Variants in PHACTR4 observed in about 807,000 individuals in gnomAD.
PHACTR4 encodes the protein phosphatase and actin regulator 4, also known as protein phosphatase 1, regulatory subunit 124.
In PHACTR4, 51 loss-of-function variants were observed where a neutral mutation model predicts 72.7. The observed-to-expected ratio is 0.70, with a 90% CI of 0.56 to 0.89. The LOEUF is 0.89. Ranked by LOEUF, PHACTR4 falls within the 40% of genes least tolerant of loss-of-function variation. The pLI, the probability that PHACTR4 is intolerant of heterozygous loss-of-function variation, is 0.00. For synonymous variants in PHACTR4, 255 were observed against 302.5 expected, an observed-to-expected ratio of 0.84 and a Z score of 1.63; for missense variants, 731 against 861.8, an observed-to-expected ratio of 0.85 and a Z score of 1.90.
In PHACTR4 at chr1:28,466,764, C is replaced by G. The variant is rs778509883; in HGVS notation, c.819C>G (p.Val273=). 3 of 1,608,550 alleles carry G rather than the reference C, an allele frequency of 1.9e-6. No homozygotes were observed. The South Asian group carries it at 3.3e-5, about 18-fold the overall frequency. ...PKPAHRNSNP[V]IAELSQAINS... is the part of the protein sequence containing the mutation. ...CAGCTCACAGAAATAGCAACCCTGTCATTGGTAAGTAAGTCTTTAGGCTTC... is the reference window on the plus strand; with the variant it reads ...CAGCTCACAGAAATAGCAACCCTGTGATTGGTAAGTAAGTCTTTAGGCTTC... The change falls in exon 6 of 14, where the codon GTC becomes GTG. Residue 273 remains valine (V), a synonymous_variant. Transcript: ENST00000373839.
At chr1:28,440,000 G>T (rs542313230) in intron 2 of PHACTR4, among the ~76,000 whole-genome samples, 1 of 152,206 alleles carries the variant, frequency 6.6e-6, no homozygotes, top group South Asian at 2.1e-4. Context: ...TCTATATACT[G>T]TATTAAAAAC....
At chr1:28,418,437 C>A (rs961920858) in intron 2 of PHACTR4, among the ~76,000 whole-genome samples, 4 of 150,212 alleles carry the variant, frequency 2.7e-5, no homozygotes, top group Admixed American at 2.0e-4. Context: ...CTCAAGATTG[C>A]GCCACTGCAC....
chr1:28,406,809 A>C (rs751610512), intron 1 of PHACTR4, among the ~76,000 whole-genome samples: 2 of 152,142 alleles, frequency 1.3e-5, no homozygotes, highest in African/African-American at 2.4e-5. Flanking sequence ...CTTTCTTTTG[A>C]AACGTTTTTT....
chr1:28,430,232 G>A (rs1218229624), intron 2 of PHACTR4, among the ~76,000 whole-genome samples: 1 of 152,106 alleles, frequency 6.6e-6, no homozygotes, highest in Non-Finnish European at 1.5e-5. Flanking sequence ...CACCATGTTA[G>A]CCAGGATGGT....
chr1:28,432,314 G>A (rs1656321209), intron 2 of PHACTR4, among the ~76,000 whole-genome samples: 1 of 151,838 alleles, frequency 6.6e-6, no homozygotes, highest in Non-Finnish European at 1.5e-5. Flanking sequence ...GGGTGCAGTG[G>A]CTCATGCCTA....
At chr1:28,487,720 TTTTGTTG>T (rs1660768418) in intron 9 of PHACTR4, among the ~76,000 whole-genome samples, 1 of 121,108 alleles carries the variant, frequency 8.3e-6, no homozygotes, top group Admixed American at 8.2e-5. Flanking sequence ...AATTGTAGTT[TTTTGTTG>T]TTTTTTTTTT....
chr1:28,479,633 C>T (rs895704705), intron 8 of PHACTR4, among the ~76,000 whole-genome samples: 5 of 151,018 alleles, frequency 3.3e-5, no homozygotes, highest in African/African-American at 1.2e-4. Flanking sequence ...CGCCTATAAT[C>T]CCTGCACTTT....
chr1:28,484,020 A>G (rs1404950087), intron 9 of PHACTR4, among the ~76,000 whole-genome samples: 1 of 151,802 alleles, frequency 6.6e-6, no homozygotes, highest in Non-Finnish European at 1.5e-5. Flanking sequence ...GTAAGACTCT[A>G]TCACTACAAA....
intron 3 of PHACTR4, 130 bp downstream of exon 3, chr1:28,459,388 C>CCTT: frequency 1.5e-6 from 1 of 648,860 alleles, no homozygotes; most frequent in Non-Finnish European, 2.4e-6. Context: ...TTTATTCTTT[C>CCTT]CTTCTTCTTT....
In PHACTR4 at chr1:28,442,204, T is replaced by C. The variant is rs950442177; in HGVS notation, c.17-16881T>C. Reference sequence around the variant, plus strand: ...TTTTTTGGCTGGGCGCAGTGTCTCATGCCTGTAATCCCAGCACTTTGGGAG... The same window carrying C: ...TTTTTTGGCTGGGCGCAGTGTCTCACGCCTGTAATCCCAGCACTTTGGGAG... On this transcript the variant is annotated intron_variant, in intron 2 of 13. Transcript: ENST00000373839. 7.9e-5 allele frequency among the ~76,000 whole-genome samples: 12 copies of C among 152,276 alleles called. 1 individual carries two copies. The highest frequency in any genetic ancestry group is 3.9e-4 in the Admixed American group (6 of 15,290).
chr1:28,389,322 A>G (rs1168570022), intron 1 of PHACTR4, among the ~76,000 whole-genome samples: 1 of 152,134 alleles, frequency 6.6e-6, no homozygotes, highest in African/African-American at 2.4e-5. Context: ...CCGTGTTAGA[A>G]TGGTTTTTAT....
intron 2 of PHACTR4, among the ~76,000 whole-genome samples, chr1:28,440,886 A>C (rs561539217): frequency 6.6e-6 from 1 of 152,250 alleles, no homozygotes; most frequent in Admixed American, 6.5e-5. Context: ...AAATCTCACC[A>C]TTTTACTTGG....
At chr1:28,425,703 G>A (rs1655793641) in intron 2 of PHACTR4, among the ~76,000 whole-genome samples, 1 of 152,200 alleles carries the variant, frequency 6.6e-6, no homozygotes, top group African/African-American at 2.4e-5. Context: ...GATATCTAGT[G>A]TTGGTAATAT....
chr1:28,473,352 C>A (rs553938923), intron 6 of PHACTR4, among the ~76,000 whole-genome samples: 57 of 151,856 alleles, frequency 3.8e-4, no homozygotes, highest in Non-Finnish European at 6.5e-4. Context: ...TCTTCCTACA[C>A]CTCTGTACAT....
chr1:28,380,212 A>G (rs1237672540), intron 1 of PHACTR4, among the ~76,000 whole-genome samples: 2 of 150,130 alleles, frequency 1.3e-5, no homozygotes, highest in Non-Finnish European at 3.0e-5. Flanking sequence ...GTCCGCTACC[A>G]CGCCCGGCTA....
chr1:28,369,991 C>A (rs539281349), intron 1 of PHACTR4, among the ~76,000 whole-genome samples, 166 bp downstream of exon 1: 1 of 152,252 alleles, frequency 6.6e-6, no homozygotes, highest in South Asian at 2.1e-4. Context: ...GCGGGGCCGC[C>A]GCCTCCCTCC....
At chr1:28,476,387 A>G (rs1187233665) in intron 8 of PHACTR4, 96 bp downstream of exon 8, 4 of 1,265,476 alleles carry the variant, frequency 3.2e-6, no homozygotes, top group Non-Finnish European at 4.2e-6. Flanking sequence ...GGAAACAGGT[A>G]CCTTCTCCCA....
chr1:28,402,591 A>C (rs1279312236), intron 1 of PHACTR4, among the ~76,000 whole-genome samples: 1 of 152,124 alleles, frequency 6.6e-6, no homozygotes, highest in East Asian at 1.9e-4. Context: ...GTCTCTACAA[A>C]AATTTTTAAA....
At chr1:28,390,336 T>TA (rs1251542864) in intron 1 of PHACTR4, among the ~76,000 whole-genome samples, 1 of 152,182 alleles carries the variant, frequency 6.6e-6, no homozygotes, top group African/African-American at 2.4e-5. Context: ...CTTTTACTTA[T>TA]ATATGGAATC....
Sources: allele counts gnomAD v4.1 joint callset (sites outside exome capture counted in the v4.1 genomes callset), GRCh38; gene constraint gnomAD v4.1.1; transcripts MANE v1.5; gene names NCBI Gene and HGNC (gene_info 2026-07-23, HGNC 2026-07-21).